The following RWDD2B variants were observed in gnomAD, a reference collection of about 807,000 sequenced individuals.
RWDD2B encodes the protein RWD domain-containing protein 2B.
RWDD2B carries 36 observed loss-of-function variants against 33.6 expected under a neutral mutation model. That is an observed-to-expected ratio of 1.07 (90% CI 0.82 to 1.42). RWDD2B has a LOEUF of 1.42. RWDD2B is among the 40% of genes most tolerant of loss of function. The probability of loss-of-function intolerance (pLI) is 0.00; values close to 1 mark genes in which losing one functional copy is unlikely to be tolerated. For missense variants in RWDD2B, 364 were observed against 377.5 expected, an observed-to-expected ratio of 0.96 and a Z score of 0.30; for synonymous variants, 126 against 133.1, an observed-to-expected ratio of 0.95 and a Z score of 0.37.
At chr21:29,007,088 A>G (rs927931718) in intron 4 of RWDD2B, among the ~76,000 whole-genome samples, 2 of 152,244 alleles carry the variant, frequency 1.3e-5, no homozygotes, top group Non-Finnish European at 2.9e-5. Context: ...TTCATTTAGT[A>G]TATCAGTAGA....
At chr21:29,010,913 G>A (rs1211861631) in intron 1 of RWDD2B, among the ~76,000 whole-genome samples, 4 of 152,306 alleles carry the variant, frequency 2.6e-5, no homozygotes, top group African/African-American at 7.2e-5. Flanking sequence ...CGAGTGATCC[G>A]CCAGCCTCGG....
In RWDD2B at chr21:29,005,223, G is replaced by T. The variant is rs1398179238; in HGVS notation, c.*1194C>A. 1.3e-5 allele frequency: 2 copies of T among 152,184 alleles called. No individual in the cohort carries two copies. The highest frequency in any genetic ancestry group is 1.3e-4 in the Admixed American group (2 of 15,272). 9.4% of individuals were successfully genotyped at this position (152,184 alleles called of 1,614,324 possible). ...TTCTAAATTACTAATTTGATGAATT[G>T]TTGAGGCTTGTTAAAAAAGTTTAAG... On this transcript the variant is annotated 3_prime_UTR_variant, in exon 5 of 5. Coordinates refer to ENST00000493196, the MANE Select transcript of RWDD2B (RefSeq NM_016940.3).
rs1046481658 is a variant in RWDD2B, at chr21:29,006,139, C to T, written c.*278G>A. 8.2e-6 allele frequency: 2 copies of T among 243,778 alleles called. No individual in the cohort carries two copies. Among genetic ancestry groups the T allele is most frequent in the African/African-American group, 4.5e-5 (2 of 44,136 alleles). 15.1% of individuals were successfully genotyped at this position (243,778 alleles called of 1,614,324 possible). A position where few individuals can be genotyped will look rare whatever the true frequency, so the allele number is the denominator to read the frequency against. The stretch of plus-strand genomic sequence containing the variant: ...TGGGAATGGCTGGCAAATTGGAGCA[C>T]CAACATTACCTTTATGGATAATTTC... On this transcript the variant is annotated 3_prime_UTR_variant, in exon 5 of 5. Transcript: ENST00000493196.
At chr21:29,011,884 AG>A (rs1281423751) in intron 1 of RWDD2B, among the ~76,000 whole-genome samples, 3 of 107,834 alleles carry the variant, frequency 2.8e-5, no homozygotes, top group Admixed American at 2.7e-4. Flanking sequence ...CCCGTCCGGG[AG>A]GGAGGTTGGG....
chr21:29,007,445 T>C (rs1211306563), intron 4 of RWDD2B, among the ~76,000 whole-genome samples: 3 of 152,248 alleles, frequency 2.0e-5, no homozygotes, highest in African/African-American at 7.2e-5. Context: ...AATGTATCTT[T>C]AGGCTATTTT....
At chr21:29,008,686 CAT>C (rs1459747860) in intron 1 of RWDD2B, 65 bp from the exon 2 acceptor site, 87 of 996,738 alleles carry the variant, frequency 8.7e-5, no homozygotes, top group East Asian at 4.3e-4. Flanking sequence ...AATACATCAA[CAT>C]GTGTACTTAC....
rs1238002022 is a variant in RWDD2B at position 29,006,555 on chromosome 21, A to G, written c.822T>C (p.Phe274=). 6.2e-7 allele frequency: 1 copy of G among 1,613,894 alleles called. No individual in the cohort carries two copies. The highest frequency in any genetic ancestry group is 2.2e-5 in the East Asian group (1 of 44,884). Residue 274 remains phenylalanine, a synonymous_variant, in exon 5 of 5, where the codon TTT becomes TTC. Coordinates refer to ENST00000493196, the MANE Select transcript of RWDD2B (RefSeq NM_016940.3). ...TNDETERQRK[F]SIFEEKVFSV... ...TGAACACTTTTTCTTCAAAAATGGA[A>G]AATTTCCTTTGTCTTTCCGTTTCAT...
Position 29,008,268 on chromosome 21 carries a change from G to C in RWDD2B, c.334C>G (p.Pro112Ala). Residue 112 changes from proline to alanine, a missense_variant, in exon 3 of 5, where the codon CCG becomes GCG. Pro to Ala is a conservative substitution (Grantham distance 27, BLOSUM62 -1). Coordinates refer to ENST00000493196, the MANE Select transcript of RWDD2B (RefSeq NM_016940.3). ...SLACILPFKY[P>A]AVLPEITVRS... ...ACAGTAATTTCAGGCAGAACTGCCG[G>C]GTATTTAAAGGGAAGAATACAGGCC... The C allele has an allele frequency of 6.2e-7, 1 of 1,614,174 alleles. No homozygotes were observed. The highest frequency in any genetic ancestry group is 8.5e-7 in the Non-Finnish European group (1 of 1,180,026).
Position 29,008,577 on chromosome 21 carries a change from C to G in RWDD2B, c.112G>C (p.Ala38Pro). The G allele has an allele frequency of 1.9e-6, 3 of 1,613,940 alleles. No homozygotes were observed. Among genetic ancestry groups the G allele is most frequent in the Non-Finnish European group, 2.5e-6 (3 of 1,180,000 alleles). Residue 38 changes from alanine (A) to proline (P), a missense_variant, in exon 2 of 5, where the codon GCC (alanine) becomes CCC (proline). Coordinates refer to ENST00000493196, the MANE Select transcript of RWDD2B (RefSeq NM_016940.3). ...AGCAGGTCTAACTCAGCAAGCTGGGCCTCCGCCTGCTCCATCTCAATCATT... is the reference window on the plus strand; with the variant it reads ...AGCAGGTCTAACTCAGCAAGCTGGGGCTCCGCCTGCTCCATCTCAATCATT... ...PKMIEMEQAE[A>P]QLAELDLLAS...
At chr21:29,019,171 C>G in intron 1 of RWDD2B, 40 bp downstream of exon 1, 2 of 1,525,356 alleles carry the variant, frequency 1.3e-6, no homozygotes, top group Non-Finnish European at 8.9e-7. Context: ...GGGAAACCCC[C>G]GTGGCGGTCA....
chr21:29,019,148 G>GGC, intron 1 of RWDD2B, 63 bp downstream of exon 1: 1 of 1,357,184 alleles, frequency 7.4e-7, no homozygotes, highest in Non-Finnish European at 1.0e-6. Context: ...GGTTGCACTG[G>GGC]GCGCTGCAGC....
intron 1 of RWDD2B, among the ~76,000 whole-genome samples, chr21:29,017,076 T>C (rs1860613250): frequency 6.6e-6 from 1 of 151,600 alleles, no homozygotes; most frequent in African/African-American, 2.4e-5. Flanking sequence ...TTTCACCACG[T>C]TGGCCAGGCT....
chr21:29,009,643 C>T (rs2084847147), intron 1 of RWDD2B: 1 of 152,138 alleles, frequency 6.6e-6, no homozygotes, highest in African/African-American at 2.4e-5. Flanking sequence ...ATCCGCCCGC[C>T]TCGGCCTCCC....
chr21:29,008,857 T>C (rs1023912567), intron 1 of RWDD2B, among the ~76,000 whole-genome samples: 3 of 152,172 alleles, frequency 2.0e-5, no homozygotes, highest in African/African-American at 7.2e-5. Context: ...AAACTCTTAA[T>C]AGTAAGTAGA....
chr21:29,009,942 G>T (rs115813213), intron 1 of RWDD2B, among the ~76,000 whole-genome samples: 24 of 151,906 alleles, frequency 1.6e-4, no homozygotes, highest in Non-Finnish European at 2.9e-5. Flanking sequence ...AATATATTTT[G>T]TAGATCTATT....
chr21:29,011,159 T>C (rs1325795236), intron 1 of RWDD2B, among the ~76,000 whole-genome samples: 3 of 146,066 alleles, frequency 2.1e-5, no homozygotes, highest in African/African-American at 7.7e-5. Context: ...CCCCTCTGCC[T>C]GGCTGCCTAG....
chr21:29,011,671 C>A (rs1373470356), intron 1 of RWDD2B, among the ~76,000 whole-genome samples: 1 of 135,952 alleles, frequency 7.4e-6, no homozygotes, highest in African/African-American at 2.7e-5. Context: ...CCAGCCGCCC[C>A]GTCCGGGAGG....
intron 1 of RWDD2B, among the ~76,000 whole-genome samples, chr21:29,014,961 A>T (rs1490848631): frequency 1.3e-5 from 2 of 152,036 alleles, no homozygotes; most frequent in African/African-American, 4.8e-5. Context: ...CTGGTGACAA[A>T]TCTCCTAGAT....
intron 4 of RWDD2B, among the ~76,000 whole-genome samples, chr21:29,006,896 G>C (rs1219158113): frequency 6.6e-6 from 1 of 152,286 alleles, no homozygotes; most frequent in Admixed American, 6.5e-5. Context: ...TTACAGGTGT[G>C]AGTCATACAC....
Sources: gnomAD v4.1 joint callset for allele counts (sites outside exome capture counted in the v4.1 genomes callset) on GRCh38, gnomAD v4.1.1 for gene constraint, MANE v1.5 for transcripts, NCBI Gene and HGNC (gene_info 2026-07-23, HGNC 2026-07-21) for gene names.